DPF3: variants seen among roughly 807,000 people sequenced by gnomAD.
DPF3 encodes double PHD fingers 3.
DPF3 carries 18 observed loss-of-function variants against 56.8 expected under a neutral mutation model. That is an observed-to-expected ratio of 0.32 (90% CI 0.22 to 0.47). The LOEUF (loss-of-function observed/expected upper bound fraction) is 0.47, where lower values mean the gene tolerates loss of function less well. DPF3 is among the 20% of genes least tolerant of loss of function. The pLI is 1.00. For missense variants in DPF3, 403 were observed against 488.8 expected (o/e 0.82, Z 1.65); for synonymous variants, 188 against 180.2 (o/e 1.04, Z -0.35).
chr14:72,731,620 A>T (rs774513068), intron 4 of DPF3, 187 bp downstream of exon 4: 5 of 722,636 alleles, frequency 6.9e-6, no homozygotes, highest in Non-Finnish European at 1.1e-5. Context: ...GGCAATAATG[A>T]CTCCTTCGGA....
intron 1 of DPF3, among the ~76,000 whole-genome samples, chr14:72,887,945 C>G (rs2140133621): frequency 6.6e-6 from 1 of 152,230 alleles, no homozygotes; most frequent in Non-Finnish European, 1.5e-5. Context: ...ATTCAAACAG[C>G]AGATTTTCAA....
chr14:72,660,754 G>A (rs1306807081), intron 8 of DPF3, among the ~76,000 whole-genome samples: 1 of 152,206 alleles, frequency 6.6e-6, no homozygotes, highest in Non-Finnish European at 1.5e-5. Flanking sequence ...TGGAGAGGGT[G>A]ATGATGGTGA....
chr14:72,630,786 C>T (rs1885125769), intron 8 of DPF3, among the ~76,000 whole-genome samples: 1 of 152,222 alleles, frequency 6.6e-6, no homozygotes, highest in Non-Finnish European at 1.5e-5. Flanking sequence ...GCCGAGCACT[C>T]ACCGTTCTCC....
chr14:72,777,209 A>G lies in DPF3; in HGVS notation c.33-5316T>C, dbSNP rs183287689. Among the ~76,000 whole-genome samples the G allele has an allele frequency of 3.9e-5, 6 of 152,146 alleles. No homozygotes were observed. In the East Asian group the frequency reaches 1.2e-3, roughly 29 times the overall value. The stretch of plus-strand genomic sequence containing the variant: ...CTCACTCAGCTGTTCACACCGCCAG[A>G]GCCGCCCACAAACACACACGAAAGC... On this transcript the variant is annotated intron_variant, in intron 1 of 10. Transcript: ENST00000556509.
chr14:72,669,083 T>C (rs778593015), intron 8 of DPF3, among the ~76,000 whole-genome samples: 1 of 152,204 alleles, frequency 6.6e-6, no homozygotes, highest in African/African-American at 2.4e-5. Flanking sequence ...TGAGAATAAA[T>C]GCCCAGGCGA....
Position 72,790,744 on chromosome 14 carries a change from C to A in DPF3, c.33-18851G>T, listed in dbSNP as rs544577012. Among the ~76,000 whole-genome samples the A allele has an allele frequency of 2.0e-5, 3 of 152,164 alleles. No homozygotes were observed. In the East Asian group the frequency reaches 5.8e-4, roughly 29 times the overall value. On this transcript the variant is annotated intron_variant, in intron 1 of 10. Coordinates refer to ENST00000556509, the MANE Select transcript of DPF3 (RefSeq NM_001280542.3). ...CTGCCTCATTGCCTCTGGCTGGGTC[C>A]CCTCAGTAACATGATTCTCTTTACC...
chr14:72,610,802 A>G lies in DPF3; in HGVS notation c.*8495T>C, dbSNP rs1323043561. Among the ~76,000 whole-genome samples, 1 of 152,170 alleles carries G rather than the reference A, an allele frequency of 6.6e-6. No homozygotes were observed. Among genetic ancestry groups the G allele is most frequent in the African/African-American group, 2.4e-5 (1 of 41,452 alleles). ...CAAGGAGCTGGGGACCTGAGGGCTC[A>G]GGGCCCACCACTGGCTGCCTGGGGG... On this transcript the variant is annotated 3_prime_UTR_variant, in exon 11 of 11. Coordinates refer to ENST00000556509, the MANE Select transcript of DPF3 (RefSeq NM_001280542.3).
intron 1 of DPF3, among the ~76,000 whole-genome samples, chr14:72,834,483 T>G (rs1884201170): frequency 1.8e-5 from 2 of 109,962 alleles, no homozygotes; most frequent in African/African-American, 3.9e-5. Flanking sequence ...GGTAACAGAG[T>G]GAGACTGTCT....
At chr14:72,861,806 G>GAAAGGAAGAAA (rs1885450689) in intron 1 of DPF3, among the ~76,000 whole-genome samples, 1 of 83,034 alleles carries the variant, frequency 1.2e-5, no homozygotes, top group Non-Finnish European at 2.6e-5. Flanking sequence ...AAAGAAAGAA[G>GAAAGGAAGAAA]GAAAGAATTT....
In DPF3 at chr14:72,611,316, A is replaced by C. The variant is rs936391239; in HGVS notation, c.*7981T>G. Reference sequence around the variant, plus strand: ...GGTTTATTCCTAATGCTGTCAACACAAACAACTGAGAGTCTAAGCCAGCAC... The same window carrying C: ...GGTTTATTCCTAATGCTGTCAACACCAACAACTGAGAGTCTAAGCCAGCAC... On this transcript the variant is annotated 3_prime_UTR_variant, in exon 11 of 11. Transcript: ENST00000556509. Among the ~76,000 whole-genome samples the C allele has an allele frequency of 1.3e-5, 2 of 152,256 alleles. No homozygotes were observed. Among genetic ancestry groups the C allele is most frequent in the African/African-American group, 4.8e-5 (2 of 41,468 alleles).
chr14:72,758,506 G>C (rs985713115), intron 2 of DPF3, among the ~76,000 whole-genome samples: 1 of 152,216 alleles, frequency 6.6e-6, no homozygotes, highest in Non-Finnish European at 1.5e-5. Flanking sequence ...GCTGCACAGA[G>C]AATGTGGAGA....
Position 72,867,106 on chromosome 14 carries a change from G to A in DPF3, c.32+26951C>T, listed in dbSNP as rs953951283. On this transcript the variant is annotated intron_variant, in intron 1 of 10. Transcript: ENST00000556509. ...GAGATGGGGTCTCACTGTGTTGTCC[G>A]GGTTGTTCTCAAACTCCCGGGCTCC... Among the ~76,000 whole-genome samples, 19 of 151,794 alleles carry A rather than the reference G, an allele frequency of 1.3e-4. 1 individual carries two copies. Among genetic ancestry groups the A allele is most frequent in the African/African-American group, 3.9e-4 (16 of 41,284 alleles).
chr14:72,722,648 C>A (rs1338522211), intron 5 of DPF3, among the ~76,000 whole-genome samples: 1 of 152,184 alleles, frequency 6.6e-6, no homozygotes, highest in Non-Finnish European at 1.5e-5. Context: ...CCGCCTAGAG[C>A]CTGAAGGGGT....
At position 72,812,233 on chromosome 14, in the gene DPF3, C is replaced by T. The variant is rs186148286; in HGVS notation, c.33-40340G>A. ...CCAGCCCCGCTTACCTTTTTCCCAT[C>T]CCCACCCCCGGCCCCCAGCCTCTCC... On this transcript the variant is annotated intron_variant, in intron 1 of 10. Transcript: ENST00000556509. Among the ~76,000 whole-genome samples the T allele has an allele frequency of 3.3e-4, 50 of 151,996 alleles. 1 individual carries two copies. Among genetic ancestry groups the T allele is most frequent in the Admixed American group, 2.9e-3 (45 of 15,282 alleles).
chr14:72,822,195 T>C (rs1232330495), intron 1 of DPF3, among the ~76,000 whole-genome samples: 2 of 152,096 alleles, frequency 1.3e-5, no homozygotes, highest in Admixed American at 6.6e-5. Context: ...CTGGCCAACA[T>C]GGTGAAACCC....
At chr14:72,814,436 G>A (rs1293270482) in intron 1 of DPF3, among the ~76,000 whole-genome samples, 1 of 152,112 alleles carries the variant, frequency 6.6e-6, no homozygotes, top group Admixed American at 6.5e-5. Context: ...GATGAGGCCA[G>A]AATTACCCTG....
intron 1 of DPF3, among the ~76,000 whole-genome samples, chr14:72,847,529 G>A (rs552116410): frequency 6.6e-6 from 1 of 151,932 alleles, no homozygotes; most frequent in South Asian, 2.1e-4. Context: ...CGGGGGCAGG[G>A]GAGACAGAAT....
At chr14:72,693,009 C>G in intron 7 of DPF3, 67 bp downstream of exon 7, 1 of 1,595,314 alleles carries the variant, frequency 6.3e-7, no homozygotes, top group South Asian at 1.1e-5. Flanking sequence ...GAAAAAGGAA[C>G]AAGGAACGCT....
chr14:72,653,416 G>A (rs568205494), intron 8 of DPF3, among the ~76,000 whole-genome samples: 8 of 152,340 alleles, frequency 5.3e-5, no homozygotes, highest in African/African-American at 1.2e-4. Flanking sequence ...GGAGCCTACC[G>A]ACAAGGTGAG....
Sources: allele counts gnomAD v4.1 joint callset (sites outside exome capture counted in the v4.1 genomes callset), GRCh38; gene constraint gnomAD v4.1.1; transcripts MANE v1.5; gene names NCBI Gene and HGNC (gene_info 2026-07-23, HGNC 2026-07-21).